Variants in SRRT observed in about 807,000 individuals in gnomAD.
SRRT encodes serrate RNA effector molecule homolog.
SRRT carries 32 observed loss-of-function variants against 103.2 expected under a neutral mutation model. The observed-to-expected ratio is 0.31, with a 90% CI of 0.23 to 0.42. The LOEUF is 0.42. SRRT is among the 10% of genes least tolerant of loss of function. The pLI, the probability that SRRT is intolerant of heterozygous loss-of-function variation, is 1.00. For synonymous variants in SRRT, 525 were observed against 449.0 expected (o/e 1.17, Z -2.14); for missense variants, 986 against 1,207.5 (o/e 0.82, Z 2.72).
intron 2 of SRRT, among the ~76,000 whole-genome samples, chr7:100,879,210 C>T (rs1019573634): frequency 2.6e-5 from 4 of 152,152 alleles, no homozygotes; most frequent in African/African-American, 9.7e-5. Flanking sequence ...CCTGCCTTGG[C>T]CTCCCAAAGT....
Position 100,885,181 on chromosome 7 carries a change from A to G in SRRT, c.1160-32A>G. The stretch of plus-strand genomic sequence containing the variant: ...CCACCACAATCAGTAATAAAAATGC[A>G]CCAACTCCTTCCTACCCCCCTTCCT... On this transcript the variant is annotated intron_variant, in intron 9 of 19. Transcript: ENST00000611405. This position sits in a 1 kb window ranked among gnomAD's most constrained non-coding sequence, Gnocchi z 4.8. 6.2e-7 allele frequency: 1 copy of G among 1,608,110 alleles called. No homozygotes were observed. Among genetic ancestry groups the G allele is most frequent in the Non-Finnish European group, 8.5e-7 (1 of 1,176,500 alleles).
chr7:100,880,291 G>A (rs1189682531), intron 2 of SRRT, among the ~76,000 whole-genome samples: 3 of 152,100 alleles, frequency 2.0e-5, no homozygotes, highest in Admixed American at 2.0e-4. Context: ...GGATGAATAG[G>A]CTTGATTCTT....
Position 100,882,271 on chromosome 7 carries a change from C to G in SRRT, c.587+30C>G, listed in dbSNP as rs573339928. On this transcript the variant is annotated intron_variant, in intron 5 of 19. Coordinates refer to ENST00000611405, the MANE Select transcript of SRRT (RefSeq NM_015908.6). This position sits in a 1 kb window ranked among gnomAD's most constrained non-coding sequence, Gnocchi z 4.2. ...GTGCCCCTACTTCCCTGGACCTCTG[C>G]CCTGGCATGTCCCCCTGGCCCCGCT... The G allele has an allele frequency of 4.4e-6, 7 of 1,605,928 alleles. No homozygotes were observed. The highest frequency in any genetic ancestry group is 6.0e-6 in the Non-Finnish European group (7 of 1,174,854).
rs1463478122 is a variant in SRRT, at chr7:100,885,074, C to T, written c.1159+34C>T. On this transcript the variant is annotated intron_variant, in intron 9 of 19. Coordinates refer to ENST00000611405, the MANE Select transcript of SRRT (RefSeq NM_015908.6). This position sits in a 1 kb window ranked among gnomAD's most constrained non-coding sequence, Gnocchi z 4.8. ...TCTTTTCTGCTTTAAAGTGCGTTCTCCTAATGCGGGTGGGGAGGTGAGAGG... is the reference window on the plus strand; with the variant it reads ...TCTTTTCTGCTTTAAAGTGCGTTCTTCTAATGCGGGTGGGGAGGTGAGAGG... The T allele has an allele frequency of 1.9e-6, 3 of 1,612,600 alleles. No homozygotes were observed. Among genetic ancestry groups the T allele is most frequent in the East Asian group, 2.2e-5 (1 of 44,854 alleles).
At chr7:100,886,601 TGG>T in intron 13 of SRRT, 166 bp downstream of exon 13, 1 of 949,206 alleles carries the variant, frequency 1.1e-6, no homozygotes, top group Non-Finnish European at 1.6e-6. Flanking sequence ...CCAGCAGAAC[TGG>T]GGGGATGCTA....
In SRRT at chr7:100,888,360, T is replaced by G; in HGVS notation, c.2532T>G (p.Gly844=). 6.2e-7 allele frequency: 1 copy of G among 1,613,764 alleles called. No homozygotes were observed. Among genetic ancestry groups the G allele is most frequent in the Non-Finnish European group, 8.5e-7 (1 of 1,179,846 alleles). Residue 844 remains glycine, a synonymous_variant, in exon 19 of 20, where the codon GGT becomes GGG. Coordinates refer to ENST00000611405, the MANE Select transcript of SRRT (RefSeq NM_015908.6). ...GNYDAFRGQG[G]YPGKPRNRMV... ...ATGATGCCTTCCGAGGCCAGGGAGGTTATCCTGGGAAACCTCGCAACAGGT... is the reference window on the plus strand; with the variant it reads ...ATGATGCCTTCCGAGGCCAGGGAGGGTATCCTGGGAAACCTCGCAACAGGT...
intron 2 of SRRT, among the ~76,000 whole-genome samples, chr7:100,877,132 A>T (rs550177336): frequency 2.6e-5 from 4 of 152,130 alleles, no homozygotes; most frequent in African/African-American, 9.6e-5. Flanking sequence ...GAGTTAAAAA[A>T]AAAAAGCCAG....
At chr7:100,884,327 C>T in intron 6 of SRRT, 41 bp from the exon 7 acceptor site, 1 of 1,612,944 alleles carries the variant, frequency 6.2e-7, no homozygotes, top group Non-Finnish European at 8.5e-7. Flanking sequence ...TGACAGGAGC[C>T]AGGGCCCTGG....
chr7:100,887,868 C>CGATCCATGAAG lies in SRRT; in HGVS notation c.2326+11_2326+21dup. On this transcript the variant is annotated intron_variant, in intron 17 of 19. Coordinates refer to ENST00000611405, the MANE Select transcript of SRRT (RefSeq NM_015908.6). This position sits in a 1 kb window ranked among gnomAD's most constrained non-coding sequence, Gnocchi z 4.1. ...ACCTGGCCCCGCCCAGAGTAAGATACGATCCATGAAGGTCGCATGTGCCCT... is the reference window on the plus strand; with the variant it reads ...ACCTGGCCCCGCCCAGAGTAAGATACGATCCATGAAGGATCCATGAAGGTCGCATGTGCCCT... 6.3e-7 allele frequency: 1 copy of CGATCCATGAAG among 1,596,146 alleles called. No homozygotes were observed.
rs775201676 is a variant in SRRT, at chr7:100,887,893, T to C, written c.2326+34T>C. On this transcript the variant is annotated intron_variant, in intron 17 of 19. Transcript: ENST00000611405. This position sits in a 1 kb window ranked among gnomAD's most constrained non-coding sequence, Gnocchi z 4.1. ...CGATCCATGAAGGTCGCATGTGCCC[T>C]CTTCCTTGACTACCCAGGGACTCCT... 6.9e-6 allele frequency: 11 copies of C among 1,583,076 alleles called. No homozygotes were observed. Among genetic ancestry groups the C allele is most frequent in the African/African-American group, 1.4e-5 (1 of 73,862 alleles).
rs1206990945 is a variant in SRRT, at chr7:100,884,973, G to A, written c.1092G>A (p.Glu364=). ...RKHSGDDSFD[E]GSVSESESES... is the part of the protein sequence containing the mutation. Reference sequence around the variant, plus strand: ...ACAGTGGTGACGACAGCTTTGACGAGGGCAGCGTGTCAGAGTCTGAGTCGG... The same window carrying A: ...ACAGTGGTGACGACAGCTTTGACGAAGGCAGCGTGTCAGAGTCTGAGTCGG... Residue 364 remains glutamate (E), a synonymous_variant, in exon 9 of 20, where the codon GAG becomes GAA. Transcript: ENST00000611405. 1.9e-6 allele frequency: 3 copies of A among 1,614,132 alleles called. No individual in the cohort carries two copies. Among genetic ancestry groups the A allele is most frequent in the South Asian group, 1.1e-5 (1 of 91,082 alleles).
chr7:100,880,336 T>C (rs1816170309), intron 2 of SRRT, among the ~76,000 whole-genome samples: 2 of 152,172 alleles, frequency 1.3e-5, no homozygotes, highest in Non-Finnish European at 2.9e-5. Flanking sequence ...GAAGTCTTGC[T>C]CTGTCGCCCA....
At chr7:100,877,784 T>C (rs754214610) in intron 2 of SRRT, among the ~76,000 whole-genome samples, 3 of 152,122 alleles carry the variant, frequency 2.0e-5, no homozygotes, top group African/African-American at 7.2e-5. Context: ...CCTCTCAAAG[T>C]GCTGGGATTA....
chr7:100,884,413 T>TGGAGCA lies in SRRT; in HGVS notation c.808_813dup (p.Gln270_Glu271dup). 6.2e-7 allele frequency: 1 copy of TGGAGCA among 1,613,320 alleles called. No individual in the cohort carries two copies. Among genetic ancestry groups the TGGAGCA allele is most frequent in the Non-Finnish European group, 8.5e-7 (1 of 1,179,684 alleles). On this transcript the variant is annotated inframe_insertion, in exon 7 of 20. Coordinates refer to ENST00000611405, the MANE Select transcript of SRRT (RefSeq NM_015908.6). ...GGCACGGAGAATGATCTTCGCATCC[T>TGGAGCA]GGAGCAGGAGGAGGAGGAGGAGCAG...
chr7:100,881,928 G>A, intron 4 of SRRT, 123 bp downstream of exon 4: 1 of 1,472,752 alleles, frequency 6.8e-7, no homozygotes, highest in Non-Finnish European at 9.1e-7. Context: ...GGGTAGGGGT[G>A]GTAGCTGTTG....
Position 100,875,570 on chromosome 7 carries a change from C to A in SRRT, c.-18-3C>A. 1.2e-6 allele frequency: 2 copies of A among 1,613,664 alleles called. No homozygotes were observed. The highest frequency in any genetic ancestry group is 1.1e-5 in the South Asian group (1 of 91,050). ...ACTCCTACCGCCTCTCCCCGGTCCCCAGGCCCCCTCAGACCGTGCCATGGG... is the reference window on the plus strand; with the variant it reads ...ACTCCTACCGCCTCTCCCCGGTCCCAAGGCCCCCTCAGACCGTGCCATGGG... On this transcript the variant is annotated splice_region_variant and splice_polypyrimidine_tract_variant and intron_variant, in intron 1 of 19. Coordinates refer to ENST00000611405, the MANE Select transcript of SRRT (RefSeq NM_015908.6).
At chr7:100,877,908 G>A (rs543892101) in intron 2 of SRRT, among the ~76,000 whole-genome samples, 3 of 152,292 alleles carry the variant, frequency 2.0e-5, no homozygotes, top group East Asian at 3.9e-4. Context: ...AACAGTGATT[G>A]TTCATACTTG....
In SRRT at chr7:100,876,276, C is replaced by G. The variant is rs185598456; in HGVS notation, c.122+564C>G. ...AAGTAATTCTCCTGCCTCAGCCTCC[C>G]GAGTAGCTGGGATTACAGGCACCTG... On this transcript the variant is annotated intron_variant, in intron 2 of 19. Coordinates refer to ENST00000611405, the MANE Select transcript of SRRT (RefSeq NM_015908.6). Among the ~76,000 whole-genome samples, 15 of 152,264 alleles carry G rather than the reference C, an allele frequency of 9.9e-5. No individual in the cohort carries two copies. In the East Asian group the frequency reaches 2.7e-3, roughly 27 times the overall value.
rs1414240978 is a variant in SRRT, at chr7:100,884,440, C to T, written c.830C>T (p.Ala277Val). 1 of 1,613,330 alleles carries T rather than the reference C, an allele frequency of 6.2e-7. No homozygotes were observed. Among genetic ancestry groups the T allele is most frequent in the African/African-American group, 1.3e-5 (1 of 74,836 alleles). The change falls in exon 7 of 20, where the codon GCA (alanine) becomes GTA (valine). Residue 277 changes from alanine (A) to valine (V), a missense_variant. This residue lies in a region of SRRT where 166 missense variants were observed against 148.6 expected (regional missense o/e 1.12). Transcript: ENST00000611405. ...GAGCAGGAGGAGGAGGAGGAGCAGG[C>T]AGGAAAGCCTGGGGAGCCCAGCAAG... ...ILEQEEEEEQ[A>V]GKPGEPSKKE...
Sources: gnomAD v4.1 joint callset for allele counts (sites outside exome capture counted in the v4.1 genomes callset) on GRCh38, gnomAD v4.1.1 for gene constraint, gnomAD v4.1.1 regional missense constraint, Gnocchi (gnomAD v3.1) non-coding constraint, MANE v1.5 for transcripts, NCBI Gene and HGNC (gene_info 2026-07-23, HGNC 2026-07-21) for gene names.